Variants in BRINP3 observed in about 807,000 individuals in gnomAD.
The protein encoded by BRINP3 is BMP/retinoic acid-inducible neural-specific protein 3.
In BRINP3, 19 loss-of-function variants were observed where a neutral mutation model predicts 71.0. The observed-to-expected ratio is 0.27, with a 90% CI of 0.19 to 0.39. The LOEUF is 0.39. Among genes scored for constraint, BRINP3 ranks in the 10% least tolerant of loss-of-function variants. The pLI, the probability that BRINP3 is intolerant of heterozygous loss-of-function variation, is 1.00. For missense variants in BRINP3, 959 were observed against 940.8 expected (o/e 1.02, Z -0.25); for synonymous variants, 380 against 337.7 (o/e 1.13, Z -1.37).
At chr1:190,294,088 C>T (rs1012565932) in intron 2 of BRINP3, among the ~76,000 whole-genome samples, 6 of 151,932 alleles carry the variant, frequency 3.9e-5, no homozygotes, top group Non-Finnish European at 8.8e-5. Flanking sequence ...TCTGTAGCTC[C>T]TCTCTTCCTC....
chr1:190,166,196 G>A (rs1651520612), intron 6 of BRINP3, among the ~76,000 whole-genome samples: 1 of 152,142 alleles, frequency 6.6e-6, no homozygotes, highest in Admixed American at 6.6e-5. Context: ...TGGCAAGCCT[G>A]TTCAATAGCT....
intron 2 of BRINP3, among the ~76,000 whole-genome samples, chr1:190,394,141 C>A (rs1671425722): frequency 6.6e-6 from 1 of 151,354 alleles, no homozygotes; most frequent in South Asian, 2.1e-4. Flanking sequence ...GAGCTTGATT[C>A]AAAGTCCAAG....
chr1:190,143,704 T>G (rs559806509), intron 7 of BRINP3, among the ~76,000 whole-genome samples: 3 of 152,264 alleles, frequency 2.0e-5, no homozygotes, highest in African/African-American at 7.2e-5. Flanking sequence ...TGGTATCAAC[T>G]CTTACACTGC....
intron 6 of BRINP3, among the ~76,000 whole-genome samples, chr1:190,180,447 T>C (rs950818538): frequency 3.3e-5 from 5 of 152,104 alleles, no homozygotes; most frequent in Non-Finnish European, 7.4e-5. Flanking sequence ...AGTTTTAGTA[T>C]CCTTTTAGAT....
intron 6 of BRINP3, among the ~76,000 whole-genome samples, chr1:190,217,722 A>G (rs1021929423): frequency 2.6e-5 from 4 of 152,064 alleles, no homozygotes; most frequent in Non-Finnish European, 5.9e-5. Flanking sequence ...CAGGGATACT[A>G]TATCAGAAAA....
chr1:190,154,741 C>A (rs975333144), intron 7 of BRINP3, among the ~76,000 whole-genome samples: 1 of 152,154 alleles, frequency 6.6e-6, no homozygotes, highest in East Asian at 1.9e-4. Flanking sequence ...AGGACTTATG[C>A]TGCAGATAGC....
chr1:190,245,442 A>T (rs1659503264), intron 4 of BRINP3, among the ~76,000 whole-genome samples: 1 of 151,894 alleles, frequency 6.6e-6, no homozygotes, highest in Non-Finnish European at 1.5e-5. Context: ...GTGCCAGGGG[A>T]AAAAAACAAT....
At chr1:190,436,329 A>C (rs1674451570) in intron 2 of BRINP3, among the ~76,000 whole-genome samples, 2 of 152,026 alleles carry the variant, frequency 1.3e-5, no homozygotes, top group South Asian at 4.1e-4. Context: ...CAAAGGTCAA[A>C]GAGGGAGCAA....
At chr1:190,108,566 A>T (rs1360325098) in intron 7 of BRINP3, among the ~76,000 whole-genome samples, 1 of 150,660 alleles carries the variant, frequency 6.6e-6, no homozygotes, top group Non-Finnish European at 1.5e-5. Flanking sequence ...AAATAAAATC[A>T]GAATGTATAA....
At chr1:190,157,068 A>G (rs2102444739) in intron 7 of BRINP3, among the ~76,000 whole-genome samples, 1 of 151,976 alleles carries the variant, frequency 6.6e-6, no homozygotes, top group African/African-American at 2.4e-5. Flanking sequence ...CTTTCTGATA[A>G]TACAGTCTTC....
intron 4 of BRINP3, among the ~76,000 whole-genome samples, chr1:190,246,192 T>G (rs947475278): frequency 8.5e-5 from 13 of 152,190 alleles, no homozygotes; most frequent in African/African-American, 3.1e-4. Context: ...GAAATACAAC[T>G]GCAATTTTTG....
At chr1:190,113,126 A>G (rs1245084632) in intron 7 of BRINP3, among the ~76,000 whole-genome samples, 1 of 152,112 alleles carries the variant, frequency 6.6e-6, no homozygotes, top group East Asian at 1.9e-4. Context: ...AATATTACCA[A>G]TTAAATATTT....
At chr1:190,400,463 A>G (rs1671849739) in intron 2 of BRINP3, among the ~76,000 whole-genome samples, 1 of 152,194 alleles carries the variant, frequency 6.6e-6, no homozygotes, top group African/African-American at 2.4e-5. Flanking sequence ...TAGTTATGAT[A>G]CAAAGAGAAA....
At chr1:190,361,426 T>G (rs1187850515) in intron 2 of BRINP3, among the ~76,000 whole-genome samples, 1 of 152,016 alleles carries the variant, frequency 6.6e-6, no homozygotes, top group Non-Finnish European at 1.5e-5. Context: ...TTGTTTTTGA[T>G]GAAGTCTTGC....
intron 6 of BRINP3, among the ~76,000 whole-genome samples, chr1:190,172,343 A>G (rs1267080769): frequency 2.0e-5 from 3 of 151,680 alleles, no homozygotes; most frequent in African/African-American, 7.3e-5. Flanking sequence ...ATGTTTATAA[A>G]TTATTTACCA....
intron 3 of BRINP3, among the ~76,000 whole-genome samples, chr1:190,273,689 A>G (rs1001693160): frequency 7.3e-5 from 11 of 151,576 alleles, no homozygotes; most frequent in Non-Finnish European, 1.3e-4. Flanking sequence ...TCTTTAAATC[A>G]TCTATGTTGA....
chr1:190,119,310 C>T (rs560274544), intron 7 of BRINP3, among the ~76,000 whole-genome samples: 84 of 151,472 alleles, frequency 5.5e-4, no homozygotes, highest in African/African-American at 1.8e-3. Context: ...TGGAGTCTCA[C>T]GCTGTCTCCA....
chr1:190,332,845 CTTCAGGCTAT>C (rs1667055211), intron 2 of BRINP3, among the ~76,000 whole-genome samples: 1 of 151,902 alleles, frequency 6.6e-6, no homozygotes, highest in Non-Finnish European at 1.5e-5. Flanking sequence ...TAGAAAGATA[CTTCAGGCTAT>C]TATCAATCCG....
intron 4 of BRINP3, among the ~76,000 whole-genome samples, chr1:190,262,081 A>G (rs768609868): frequency 1.3e-5 from 2 of 152,134 alleles, no homozygotes; most frequent in Non-Finnish European, 2.9e-5. Context: ...AAAATAAAAG[A>G]TACTCTCCAT....
Sources: gnomAD v4.1 joint callset for allele counts (sites outside exome capture counted in the v4.1 genomes callset) on GRCh38, gnomAD v4.1.1 for gene constraint, MANE v1.5 for transcripts, NCBI Gene and HGNC (gene_info 2026-07-23, HGNC 2026-07-21) for gene names.